The following DSC2 variants were observed in gnomAD, a reference collection of about 807,000 sequenced individuals.
DSC2 encodes the protein desmocollin-2.
DSC2 carries 51 observed loss-of-function variants against 87.6 expected under a neutral mutation model. The observed-to-expected ratio is 0.58, with a 90% CI of 0.46 to 0.74. The LOEUF (loss-of-function observed/expected upper bound fraction) is 0.74. Ranked by LOEUF, DSC2 falls within the 30% of genes least tolerant of loss-of-function variation. The pLI is 0.00. For missense variants in DSC2, 1,066 were observed against 1,089.5 expected, an observed-to-expected ratio of 0.98 and a Z score of 0.30; for synonymous variants, 383 against 393.2, an observed-to-expected ratio of 0.97 and a Z score of 0.31.
chr18:31,078,900 A>G (rs1337919065), intron 11 of DSC2, among the ~76,000 whole-genome samples: 2 of 152,024 alleles, frequency 1.3e-5, no homozygotes, highest in Non-Finnish European at 1.5e-5. Context: ...TAATCATCAT[A>G]CTCATATTTC....
chr18:31,101,657 C>A, intron 1 of DSC2: 7 of 495,942 alleles, frequency 1.4e-5, no homozygotes, highest in Non-Finnish European at 2.1e-5. Context: ...GCTCCCGCCT[C>A]TCCTTGAGTG....
At position 31,087,741 on chromosome 18, in the gene DSC2, C is replaced by T; in HGVS notation, c.703G>A (p.Asp235Asn). 6.2e-7 allele frequency: 1 copy of T among 1,613,752 alleles called. No individual in the cohort carries two copies. The highest frequency in any genetic ancestry group is 1.7e-4 in the Middle Eastern group (1 of 6,036). The change falls in exon 6 of 16, where the codon GAT becomes AAT. Residue 235 changes from aspartate to asparagine, a missense_variant. Transcript: ENST00000280904. The part of the protein sequence containing the change: ...LPLPLIIKIE[D>N]ENDNYPIFTE... ...AAAATTGGGTAGTTATCATTTTCATCCTCTATTTTGATTATTAGGGGCAGT... is the reference window on the plus strand; with the variant it reads ...AAAATTGGGTAGTTATCATTTTCATTCTCTATTTTGATTATTAGGGGCAGT...
chr18:31,062,472 C>A lies in DSC2; in HGVS notation c.*5543G>T, dbSNP rs1433177491. 1 of 152,042 alleles carries A rather than the reference C, an allele frequency of 6.6e-6. No individual in the cohort carries two copies. Among genetic ancestry groups the A allele is most frequent in the Non-Finnish European group, 1.5e-5 (1 of 68,012 alleles). 9.4% of individuals were successfully genotyped at this position (152,042 alleles called of 1,614,324 possible). On this transcript the variant is annotated 3_prime_UTR_variant, in exon 16 of 16. Coordinates refer to ENST00000280904, the MANE Select transcript of DSC2 (RefSeq NM_024422.6). The stretch of plus-strand genomic sequence containing the variant: ...GTGACAGTCGCAAACATAATTTTCA[C>A]ATTGGCTAAAAATTTTCAAGTTGAG...
chr18:31,083,726 G>A (rs961379095), intron 7 of DSC2, among the ~76,000 whole-genome samples: 1 of 152,040 alleles, frequency 6.6e-6, no homozygotes, highest in Non-Finnish European at 1.5e-5. Flanking sequence ...GTGGAAAATA[G>A]AATCTGGCTC....
At chr18:31,080,567 G>A (rs1459135099) in intron 9 of DSC2, among the ~76,000 whole-genome samples, 1 of 152,170 alleles carries the variant, frequency 6.6e-6, no homozygotes, top group Non-Finnish European at 1.5e-5. Context: ...GGAGGGACCT[G>A]AGGGAAGGTG....
At chr18:31,086,343 T>C (rs566975179) in intron 7 of DSC2, among the ~76,000 whole-genome samples, 1 of 152,306 alleles carries the variant, frequency 6.6e-6, no homozygotes, top group Non-Finnish European at 1.5e-5. Context: ...ACTGTAAATA[T>C]GTTTATATCA....
chr18:31,101,917 G>A lies in DSC2; in HGVS notation c.55C>T (p.Leu19=), dbSNP rs776637981. The A allele has an allele frequency of 2.0e-6, 3 of 1,531,684 alleles. No homozygotes were observed. In the South Asian group the frequency reaches 3.6e-5, roughly 18 times the overall value. The allele number at this position is 1,531,684 out of a possible 1,614,324, so 94.9% of individuals were successfully genotyped here. Residue 19 remains leucine (L), a synonymous_variant, in exon 1 of 16, where the codon CTG becomes TTG. Transcript: ENST00000280904. ...SWNGALCRLL[L]LTLAILIFAS... ...GCTACACTCACCGCGAGGGTCAGCA[G>A]GAGCAGCCGGCAGAGGGCTCCGTTC... is the stretch of plus-strand genomic sequence containing the variant.
intron 1 of DSC2, among the ~76,000 whole-genome samples, chr18:31,099,039 G>A (rs772448087): frequency 9.9e-4 from 151 of 152,108 alleles, no homozygotes; most frequent in Non-Finnish European, 7.6e-4. Flanking sequence ...TGAAATACAG[G>A]ACACTAAAAG....
chr18:31,101,776 T>A, intron 1 of DSC2, 127 bp downstream of exon 1: 22 of 658,334 alleles, frequency 3.3e-5, no homozygotes, highest in Non-Finnish European at 4.4e-5. Context: ...CTCCATTTTC[T>A]AGCCACCCAG....
chr18:31,068,270 C>T, intron 15 of DSC2, 58 bp from the exon 16 acceptor site: 1 of 1,612,804 alleles, frequency 6.2e-7, no homozygotes, highest in South Asian at 1.1e-5. Flanking sequence ...CCAAAATTTA[C>T]TAACATAAAA....
Position 31,072,132 on chromosome 18 carries a change from A to G in DSC2, c.1889-291T>C, listed in dbSNP as rs78561044. On this transcript the variant is annotated intron_variant, in intron 12 of 15. Transcript: ENST00000280904. ...AAACAAATCCTTCCTATCACAACTA[A>G]TAGACTTGTTAATAGATTAGTTTTT... Among the ~76,000 whole-genome samples, 3,989 of 152,326 alleles carry G rather than the reference A, an allele frequency of 0.026. 177 individuals are homozygous for G. Among genetic ancestry groups the G allele is most frequent in the African/African-American group, 0.092 (3,808 of 41,560 alleles).
Position 31,102,008 on chromosome 18 carries a change from GGCCGGGGTA to G in DSC2, c.-46_-38del. On this transcript the variant is annotated 5_prime_UTR_variant, in exon 1 of 16. Coordinates refer to ENST00000280904, the MANE Select transcript of DSC2 (RefSeq NM_024422.6). ...GGGGCAGGTCGCGGGCCGAGCGTCG[GGCCGGGGTA>G]GGAGGGCTCCGCGGGGCGAGGGCCG... is the stretch of plus-strand genomic sequence containing the variant. The G allele has an allele frequency of 6.8e-7, 1 of 1,469,150 alleles. No homozygotes were observed. Among genetic ancestry groups the G allele is most frequent in the South Asian group, 1.3e-5 (1 of 75,694 alleles). The allele number at this position is 1,469,150 out of a possible 1,614,324, so 91.0% of individuals were successfully genotyped here. A position where few individuals can be genotyped will look rare whatever the true frequency, so the allele number is the denominator to read the frequency against.
intron 11 of DSC2, among the ~76,000 whole-genome samples, chr18:31,075,864 GAAAGA>G (rs141369078): frequency 0.029 from 4,382 of 151,884 alleles, 85 homozygotes; most frequent in South Asian, 0.044. Flanking sequence ...ACGAAAAAAA[GAAAGA>G]AAAGAAAAGA....
At chr18:31,075,291 G>A (rs1282174004) in intron 11 of DSC2, among the ~76,000 whole-genome samples, 1 of 152,180 alleles carries the variant, frequency 6.6e-6, no homozygotes, top group Non-Finnish European at 1.5e-5. Flanking sequence ...GACAGGGAAG[G>A]TAGACAGGTA....
At chr18:31,089,341 A>G in intron 5 of DSC2, 98 bp downstream of exon 5, 3 of 1,431,880 alleles carry the variant, frequency 2.1e-6, no homozygotes, top group Non-Finnish European at 9.8e-7. Context: ...CATTGGTGAC[A>G]AACTCAGAAA....
chr18:31,090,624 T>C (rs547193640), intron 4 of DSC2, among the ~76,000 whole-genome samples: 1 of 152,176 alleles, frequency 6.6e-6, no homozygotes, highest in East Asian at 1.9e-4. Context: ...TCCAGTGTGA[T>C]TTCAGATGTA....
intron 11 of DSC2, among the ~76,000 whole-genome samples, chr18:31,076,730 CA>C (rs1987029258): frequency 6.6e-6 from 1 of 152,126 alleles, no homozygotes; most frequent in African/African-American, 2.4e-5. Flanking sequence ...CATGGCTTTT[CA>C]GATTGAAAGT....
rs1986451573 is a variant in DSC2, at chr18:31,059,069, TGAACCTTGCCTGTTGGGCCCCAAGG to T, written c.*8921_*8945del. The T allele has an allele frequency of 6.6e-6, 1 of 152,182 alleles. No individual in the cohort carries two copies. 9.4% of individuals were successfully genotyped at this position (152,182 alleles called of 1,614,324 possible). ...GATGGTTTGTGGTAGAGCCCAGATC[TGAACCTTGCCTGTTGGGCCCCAAGG>T]GACCCAAAGTTCAGGCTCTATCCCA... On this transcript the variant is annotated 3_prime_UTR_variant, in exon 16 of 16. Transcript: ENST00000280904.
chr18:31,083,225 C>T (rs545053151), intron 7 of DSC2, among the ~76,000 whole-genome samples, 165 bp from the exon 8 acceptor site: 1 of 152,242 alleles, frequency 6.6e-6, no homozygotes, highest in Admixed American at 6.5e-5. Context: ...AGTAATTTTT[C>T]TTTTCTTTTC....
Sources: gnomAD v4.1 joint callset for allele counts (sites outside exome capture counted in the v4.1 genomes callset) on GRCh38, gnomAD v4.1.1 for gene constraint, MANE v1.5 for transcripts, NCBI Gene and HGNC (gene_info 2026-07-23, HGNC 2026-07-21) for gene names.